BICC1: variants seen among roughly 807,000 people sequenced by gnomAD.
BICC1 encodes BicC family RNA binding protein 1, also known as protein bicaudal C homolog 1.
Under a neutral mutation model 111.0 loss-of-function variants are expected in BICC1, and 43 were observed. That is an observed-to-expected ratio of 0.39 (90% CI 0.30 to 0.50). BICC1 has a LOEUF of 0.50. BICC1 is among the 20% of genes least tolerant of loss of function. The pLI, the probability that BICC1 is intolerant of heterozygous loss-of-function variation, is 0.88. For missense variants in BICC1, 1,091 were observed against 1,203.2 expected (o/e 0.91, Z 1.38); for synonymous variants, 467 against 434.4 (o/e 1.07, Z -0.93).
rs570027775 is a variant in BICC1 at position 58,801,180 on chromosome 10, A to T, written c.2015+134A>T. The stretch of plus-strand genomic sequence containing the variant: ...TGGGTGTTTTCATTTTAACTTTTTT[A>T]AAAAAAATATTAAGGAATAATATCT... On this transcript the variant is annotated intron_variant, in intron 14 of 20. Transcript: ENST00000373886. 8.9e-4 allele frequency: 645 copies of T among 722,462 alleles called. 9 individuals are homozygous for T. The East Asian group carries it at 0.019, about 21-fold the overall frequency. The allele number at this position is 722,462 out of a possible 1,614,324, so 44.8% of individuals were successfully genotyped here.
In BICC1 at chr10:58,702,124, C is replaced by A; in HGVS notation, c.288C>A (p.Ile96=). 1 of 1,612,594 alleles carries A rather than the reference C, an allele frequency of 6.2e-7. No individual in the cohort carries two copies. Among genetic ancestry groups the A allele is most frequent in the Non-Finnish European group, 8.5e-7 (1 of 1,179,190 alleles). Residue 96 remains isoleucine, a synonymous_variant, in exon 3 of 21, where the codon ATC becomes ATA. Coordinates refer to ENST00000373886, the MANE Select transcript of BICC1 (RefSeq NM_001080512.3). ...TQIAWPSKLK[I]GAKSKKDPHI... is the part of the protein sequence containing the mutation. ...TTGCTTGGCCATCAAAACTGAAGAT[C>A]GGAGCCAAATCCAAGAAAGGTAAAT...
intron 1 of BICC1, among the ~76,000 whole-genome samples, chr10:58,588,697 C>T (rs1589122567): frequency 6.6e-6 from 1 of 152,146 alleles, no homozygotes; most frequent in Admixed American, 6.5e-5. Context: ...GTCACAGGTA[C>T]CATGTGGCTT....
At chr10:58,762,829 T>A (rs1842354176) in intron 3 of BICC1, among the ~76,000 whole-genome samples, 1 of 151,498 alleles carries the variant, frequency 6.6e-6, no homozygotes, top group Non-Finnish European at 1.5e-5. Context: ...CAAAGAGTTC[T>A]CTCTCTCCAG....
intron 4 of BICC1, among the ~76,000 whole-genome samples, chr10:58,786,507 C>G (rs1431735808): frequency 6.6e-6 from 1 of 152,106 alleles, no homozygotes; most frequent in Non-Finnish European, 1.5e-5. Flanking sequence ...AATTTTGTAT[C>G]ATCTTAGTTA....
chr10:58,771,774 G>T (rs1842628307), intron 3 of BICC1, among the ~76,000 whole-genome samples: 3 of 152,142 alleles, frequency 2.0e-5, no homozygotes, highest in Non-Finnish European at 4.4e-5. Context: ...CACAGTCCTG[G>T]TCATGAGGTC....
Position 58,807,147 on chromosome 10 carries a change from A to G in BICC1, c.2365A>G (p.Thr789Ala), listed in dbSNP as rs914580369. The change falls in exon 17 of 21, where the codon ACC (threonine) becomes GCC (alanine). Residue 789 changes from threonine to alanine, a missense_variant. By Grantham distance (58) the Thr-to-Ala change is moderately conservative. Transcript: ENST00000373886. ...TGTGTCCTATAAGCCCACAATGACA[A>G]CCACTTATGAGGTTTGTAGAGTCAT... ...NHVSYKPTMT[T>A]TYEGSSMSLS... is the part of the protein sequence containing the mutation. 10 of 1,613,382 alleles carry G rather than the reference A, an allele frequency of 6.2e-6. No homozygotes were observed. The Admixed American group carries it at 6.7e-5, about 11-fold the overall frequency.
At chr10:58,671,432 C>A (rs1006274350) in intron 2 of BICC1, among the ~76,000 whole-genome samples, 2 of 152,008 alleles carry the variant, frequency 1.3e-5, no homozygotes, top group Non-Finnish European at 2.9e-5. Context: ...AGTTGGCAGG[C>A]TGGAGGGAGA....
intron 2 of BICC1, among the ~76,000 whole-genome samples, chr10:58,628,031 T>TA (rs1588947380): frequency 6.6e-6 from 1 of 152,226 alleles, no homozygotes; most frequent in East Asian, 1.9e-4. Flanking sequence ...GGCATATAAA[T>TA]AGCTTGACTC....
intron 1 of BICC1, among the ~76,000 whole-genome samples, chr10:58,596,800 A>T (rs1008062969): frequency 1.3e-5 from 2 of 152,216 alleles, no homozygotes; most frequent in Non-Finnish European, 2.9e-5. Context: ...ACTCCCATTC[A>T]CAATTGCTAC....
At chr10:58,793,767 T>G (rs966117074) in intron 9 of BICC1, 152 bp downstream of exon 9, 3 of 861,234 alleles carry the variant, frequency 3.5e-6, no homozygotes, top group Non-Finnish European at 5.2e-6. Flanking sequence ...AAGCTGAATC[T>G]TTTTTAGCAC....
chr10:58,538,716 A>G (rs1234409396), intron 1 of BICC1, among the ~76,000 whole-genome samples: 1 of 151,606 alleles, frequency 6.6e-6, no homozygotes, highest in African/African-American at 2.4e-5. Flanking sequence ...GACAACATAC[A>G]CGGAACTCAA....
chr10:58,708,303 G>C (rs1278270700), intron 3 of BICC1, among the ~76,000 whole-genome samples: 1 of 152,004 alleles, frequency 6.6e-6, no homozygotes, highest in African/African-American at 2.4e-5. Flanking sequence ...ATATTTAATT[G>C]ATAGAATACT....
chr10:58,521,625 T>TA (rs1346719744), intron 1 of BICC1, among the ~76,000 whole-genome samples: 1 of 151,046 alleles, frequency 6.6e-6, no homozygotes, highest in African/African-American at 2.4e-5. Context: ...AGAAAGCAAT[T>TA]GAATTACCAA....
chr10:58,665,871 G>C (rs991347612), intron 2 of BICC1, among the ~76,000 whole-genome samples: 1 of 151,968 alleles, frequency 6.6e-6, no homozygotes, highest in Admixed American at 6.6e-5. Flanking sequence ...TTATAACCTT[G>C]CAAAAGTATG....
At chr10:58,601,689 C>T (rs77990425) in intron 1 of BICC1, among the ~76,000 whole-genome samples, 1,608 of 151,966 alleles carry the variant, frequency 0.011, 29 homozygotes, top group African/African-American at 0.037. Context: ...TTTACACTTC[C>T]GCCATTGTAC....
chr10:58,574,778 C>G (rs1193023462), intron 1 of BICC1, among the ~76,000 whole-genome samples: 1 of 152,038 alleles, frequency 6.6e-6, no homozygotes, highest in Non-Finnish European at 1.5e-5. Context: ...GAAAAATTCC[C>G]TATTTTCTAA....
chr10:58,717,968 C>A (rs189473436), intron 3 of BICC1, among the ~76,000 whole-genome samples: 7 of 152,066 alleles, frequency 4.6e-5, no homozygotes, highest in Non-Finnish European at 7.4e-5. Flanking sequence ...ACAAAAAAAA[C>A]CTCATGTTGT....
intron 1 of BICC1, among the ~76,000 whole-genome samples, chr10:58,537,619 C>T (rs1343135307): frequency 4.0e-5 from 6 of 151,474 alleles, no homozygotes; most frequent in African/African-American, 1.5e-4. Context: ...AGTATAATAC[C>T]GGAAGTCCTA....
rs1201634490 is a variant in BICC1, at chr10:58,807,156, G to A, written c.2374G>A (p.Glu792Lys). 1 of 1,612,526 alleles carries A rather than the reference G, an allele frequency of 6.2e-7. No homozygotes were observed. The highest frequency in any genetic ancestry group is 2.2e-5 in the East Asian group (1 of 44,812). ...TAAGCCCACAATGACAACCACTTAT[G>A]AGGTTTGTAGAGTCATGTCCTACTC... ...SYKPTMTTTYEGSSMSLSRSN... is the reference protein window; with the variant it reads ...SYKPTMTTTYKGSSMSLSRSN... The change falls in exon 17 of 21, where the codon GAG becomes AAG. Residue 792 changes from glutamate to lysine, a missense_variant and splice_region_variant. Glu to Lys is a moderately conservative substitution (Grantham distance 56). This residue lies in a region of BICC1 where 231 missense variants were observed against 256.2 expected (regional missense o/e 0.90). Transcript: ENST00000373886.
Sources: allele counts gnomAD v4.1 joint callset (sites outside exome capture counted in the v4.1 genomes callset), GRCh38; gene constraint gnomAD v4.1.1; regional missense constraint gnomAD v4.1.1; transcripts MANE v1.5; gene names NCBI Gene and HGNC (gene_info 2026-07-23, HGNC 2026-07-21).